Variants in RUNX1 observed in about 807,000 individuals in gnomAD.
RUNX1 encodes RUNX family transcription factor 1, also known as runt-related transcription factor 1.
In RUNX1, 19 loss-of-function variants were observed where a neutral mutation model predicts 42.8. The ratio of observed to expected loss-of-function variants is 0.44; its 90% CI spans 0.31 to 0.65. The LOEUF is 0.65. Ranked by LOEUF, RUNX1 falls within the 30% of genes least tolerant of loss-of-function variation. RUNX1 has a pLI of 0.07. For missense variants in RUNX1, 528 were observed against 672.0 expected, an observed-to-expected ratio of 0.79 and a Z score of 2.37; for synonymous variants, 271 against 289.4, an observed-to-expected ratio of 0.94 and a Z score of 0.64.
intron 2 of RUNX1, among the ~76,000 whole-genome samples, chr21:34,998,156 T>C (rs2059010977): frequency 6.6e-6 from 1 of 152,182 alleles, no homozygotes; most frequent in Admixed American, 6.5e-5. Context: ...AGCCTGTCAA[T>C]ATTAATATCT....
At chr21:35,014,957 A>G in intron 2 of RUNX1, among the ~76,000 whole-genome samples, 1 of 152,270 alleles carries the variant, frequency 6.6e-6, no homozygotes, top group East Asian at 1.9e-4. Flanking sequence ...AGCAGAGCAT[A>G]TGCTGCACAG....
At chr21:35,026,121 G>A (rs962438369) in intron 2 of RUNX1, among the ~76,000 whole-genome samples, 49 of 152,298 alleles carry the variant, frequency 3.2e-4, no homozygotes, top group African/African-American at 1.1e-3. Context: ...GTCCTTTTTA[G>A]GAGTGCTTGT....
At chr21:34,988,989 C>T (rs190401745) in intron 2 of RUNX1, among the ~76,000 whole-genome samples, 223 of 147,222 alleles carry the variant, frequency 1.5e-3, no homozygotes, top group African/African-American at 5.8e-3. Flanking sequence ...CTTTGGCTGG[C>T]CCAGATCTCT....
intron 2 of RUNX1, among the ~76,000 whole-genome samples, chr21:35,037,432 C>A (rs1488285818): frequency 2.0e-5 from 3 of 152,228 alleles, no homozygotes; most frequent in African/African-American, 4.8e-5. Flanking sequence ...GAAAAGCAGT[C>A]CAGGATGGTG....
chr21:34,799,342 C>A lies in RUNX1; in HGVS notation c.926G>T (p.Gly309Val). ...ATPISPGRAS[G>V]MTTLSAELSS... ...AAGTTCTGCAGAGAGGGTTGTCATG[C>A]CGCTGGCACGTCCAGGTGAAATGGG... Residue 309 changes from glycine to valine, a missense_variant, in exon 8 of 9, where the codon GGC becomes GTC. This residue lies in a region of RUNX1 where 331 missense variants were observed against 382.5 expected (regional missense o/e 0.87). Coordinates refer to ENST00000675419, the MANE Select transcript of RUNX1 (RefSeq NM_001754.5). 1 of 1,614,172 alleles carries A rather than the reference C, an allele frequency of 6.2e-7. No individual in the cohort carries two copies. The highest frequency in any genetic ancestry group is 8.5e-7 in the Non-Finnish European group (1 of 1,180,038).
intron 4 of RUNX1, among the ~76,000 whole-genome samples, chr21:34,886,348 G>A (rs1318612747): frequency 6.6e-6 from 1 of 151,848 alleles, no homozygotes; most frequent in East Asian, 1.9e-4. Context: ...TAGAGAAGGG[G>A]AAAAAAAATC....
chr21:35,047,598 C>CAT (rs2059409707), intron 2 of RUNX1, among the ~76,000 whole-genome samples: 80 of 141,248 alleles, frequency 5.7e-4, no homozygotes, highest in African/African-American at 2.0e-3. Flanking sequence ...CTCTCTCTCT[C>CAT]ATCAAGTTTT....
chr21:34,889,680 G>A lies in RUNX1; in HGVS notation c.98-2584C>T, dbSNP rs770252560. On this transcript the variant is annotated intron_variant, in intron 3 of 8. Coordinates refer to ENST00000675419, the MANE Select transcript of RUNX1 (RefSeq NM_001754.5). The stretch of plus-strand genomic sequence containing the variant: ...CGGCCCCAGGTGCGGAACCCACCCC[G>A]GCTTCGCGTGCGGGCGGCCGCTTCC... 1.2e-5 allele frequency: 14 copies of A among 1,157,762 alleles called. 1 individual carries two copies. The South Asian group carries it at 2.1e-4, about 17-fold the overall frequency. The allele number at this position is 1,157,762 out of a possible 1,614,324, so 71.7% of individuals were successfully genotyped here. A position where few individuals can be genotyped will look rare whatever the true frequency, so the allele number is the denominator to read the frequency against.
Position 34,907,913 on chromosome 21 carries a change from T to A in RUNX1, c.59-14950A>T, listed in dbSNP as rs891581995. ...CAAACATTTTGTCCAATCCATTTAG[T>A]TTATAGAGGGAAAAGGAGGCTCTGA... On this transcript the variant is annotated intron_variant, in intron 2 of 8. Coordinates refer to ENST00000675419, the MANE Select transcript of RUNX1 (RefSeq NM_001754.5). This position sits in a 1 kb window ranked among gnomAD's most constrained non-coding sequence, Gnocchi z 5.3. 1.3e-5 allele frequency among the ~76,000 whole-genome samples: 2 copies of A among 152,106 alleles called. No homozygotes were observed. The highest frequency in any genetic ancestry group is 2.4e-5 in the African/African-American group (1 of 41,408).
At chr21:34,853,964 C>T (rs1279861274) in intron 6 of RUNX1, among the ~76,000 whole-genome samples, 1 of 152,094 alleles carries the variant, frequency 6.6e-6, no homozygotes, top group Non-Finnish European at 1.5e-5. Flanking sequence ...AGGCGTGTAC[C>T]ACCACACCAG....
intron 2 of RUNX1, among the ~76,000 whole-genome samples, chr21:34,926,285 G>T (rs1309138822): frequency 6.6e-6 from 1 of 151,234 alleles, no homozygotes; most frequent in Non-Finnish European, 1.5e-5. Context: ...GACCAGCCTG[G>T]GCAACATAGT....
chr21:34,894,880 A>AAC (rs57230115), intron 2 of RUNX1, among the ~76,000 whole-genome samples: 12,243 of 127,750 alleles, frequency 0.096, 640 homozygotes, highest in East Asian at 0.18. Context: ...CCTACATAGA[A>AAC]ACACACACAC....
intron 3 of RUNX1, chr21:34,888,354 A>G: frequency 3.7e-6 from 4 of 1,067,942 alleles, no homozygotes; most frequent in Non-Finnish European, 4.5e-6. Flanking sequence ...ACTGCCACGC[A>G]CACGCAACTT....
chr21:34,991,213 C>T (rs917241041), intron 2 of RUNX1, among the ~76,000 whole-genome samples: 1 of 152,218 alleles, frequency 6.6e-6, no homozygotes, highest in Non-Finnish European at 1.5e-5. Flanking sequence ...TCTGAACATG[C>T]CAGGCCCCTA....
intron 2 of RUNX1, among the ~76,000 whole-genome samples, chr21:34,902,187 A>T (rs1408646176): frequency 6.6e-6 from 1 of 152,238 alleles, no homozygotes; most frequent in Admixed American, 6.5e-5. Context: ...CTCTTTCACT[A>T]GGAGAATTAT....
intron 2 of RUNX1, among the ~76,000 whole-genome samples, chr21:34,978,786 G>C (rs2058822773): frequency 6.6e-6 from 1 of 152,118 alleles, no homozygotes; most frequent in Admixed American, 6.5e-5. Flanking sequence ...ACTGTGGGCT[G>C]TTGTATTGTT....
At chr21:34,908,295 C>G (rs1409147263) in intron 2 of RUNX1, among the ~76,000 whole-genome samples, 1 of 152,134 alleles carries the variant, frequency 6.6e-6, no homozygotes, top group Admixed American at 6.5e-5. Context: ...TATTATTAAT[C>G]TTCTTCCTGA....
intron 2 of RUNX1, among the ~76,000 whole-genome samples, chr21:35,003,710 C>A (rs927661968): frequency 6.6e-6 from 1 of 152,166 alleles, no homozygotes; most frequent in Non-Finnish European, 1.5e-5. Context: ...TCCTGTATTT[C>A]CATTCTCAGG....
rs529736651 is a variant in RUNX1, at chr21:34,874,413, C to T, written c.508+6144G>A. Among the ~76,000 whole-genome samples the T allele has an allele frequency of 2.0e-5, 3 of 151,618 alleles. No individual in the cohort carries two copies. In the East Asian group the frequency reaches 5.8e-4, roughly 29 times the overall value. ...CCACCCGAGATCAGGAGTTCAAGACCAGCCCAGTCAACATGGTGAAACCTC... is the reference window on the plus strand; with the variant it reads ...CCACCCGAGATCAGGAGTTCAAGACTAGCCCAGTCAACATGGTGAAACCTC... On this transcript the variant is annotated intron_variant, in intron 5 of 8. Coordinates refer to ENST00000675419, the MANE Select transcript of RUNX1 (RefSeq NM_001754.5).
Sources: allele counts gnomAD v4.1 joint callset (sites outside exome capture counted in the v4.1 genomes callset), GRCh38; gene constraint gnomAD v4.1.1; regional missense constraint gnomAD v4.1.1; non-coding constraint Gnocchi (gnomAD v3.1); transcripts MANE v1.5; gene names NCBI Gene and HGNC (gene_info 2026-07-23, HGNC 2026-07-21).